Variants in DOT1L observed in about 807,000 individuals in gnomAD.
DOT1L encodes the protein DOT1 like histone lysine methyltransferase, also known as histone-lysine N-methyltransferase, H3 lysine-79 specific.
Under a neutral mutation model 153.3 loss-of-function variants are expected in DOT1L, and 33 were observed. That is an observed-to-expected ratio of 0.22 (90% CI 0.16 to 0.29). The LOEUF is 0.29. Ranked by LOEUF, DOT1L falls within the 10% of genes least tolerant of loss-of-function variation. The pLI, the probability that DOT1L is intolerant of heterozygous loss-of-function variation, is 1.00. For missense variants in DOT1L, 1,847 were observed against 2,119.9 expected (o/e 0.87, Z 2.53); for synonymous variants, 1,135 against 965.1 (o/e 1.18, Z -3.26).
chr19:2,211,698 C>A, intron 15 of DOT1L, 53 bp from the exon 16 acceptor site: 1 of 1,475,732 alleles, frequency 6.8e-7, no homozygotes, highest in Non-Finnish European at 9.2e-7. Flanking sequence ...CCCACCTCTT[C>A]CCTCTCAGTC....
At chr19:2,228,400 C>T (rs2024458055) in intron 27 of DOT1L, 4 of 1,259,130 alleles carry the variant, frequency 3.2e-6, no homozygotes, top group Non-Finnish European at 4.1e-6. Context: ...CAGAGCCCTG[C>T]GCGGTGGCTC....
chr19:2,213,271 G>C (rs1032611785), intron 16 of DOT1L: 1 of 397,340 alleles, frequency 2.5e-6, no homozygotes, highest in Non-Finnish European at 4.6e-6. Context: ...TGCGTGGCTG[G>C]GGGCGCTGCC....
intron 1 of DOT1L, among the ~76,000 whole-genome samples, chr19:2,174,958 ATGTGTGTGTGTGTGTGTGTGTG>A (rs71337121): frequency 7.7e-6 from 1 of 129,992 alleles, no homozygotes; most frequent in South Asian, 2.5e-4. Context: ...TTTTAAATAT[ATGTGTGTGTGTGTGTGTGTGTG>A]TGTGTGTGTG....
chr19:2,222,587 G>A lies in DOT1L; in HGVS notation c.3390+28G>A. On this transcript the variant is annotated intron_variant, in intron 24 of 27. Coordinates refer to ENST00000398665, the MANE Select transcript of DOT1L (RefSeq NM_032482.3). The surrounding 1 kb of genome is among the most constrained non-coding windows in gnomAD (Gnocchi z 6.5). ...AAGGATGGGGACCGGCAGGGCTGGG[G>A]AGCGCGGCCTGTGAAAGAAAGACCA... 1 of 1,507,422 alleles carries A rather than the reference G, an allele frequency of 6.6e-7. No individual in the cohort carries two copies. The highest frequency in any genetic ancestry group is 2.1e-5 in the Admixed American group (1 of 46,672). The allele number at this position is 1,507,422 out of a possible 1,614,324, so 93.4% of individuals were successfully genotyped here.
At position 2,180,695 on chromosome 19, in the gene DOT1L, C is replaced by G; in HGVS notation, c.82-18C>G. 1 of 1,613,992 alleles carries G rather than the reference C, an allele frequency of 6.2e-7. No homozygotes were observed. Among genetic ancestry groups the G allele is most frequent in the East Asian group, 2.2e-5 (1 of 44,882 alleles). ...GTGGAGGATGGCTCTGCGTCTCAAA[C>G]TTCTCTCTCTGTTTCAGGATAAACA... is the stretch of plus-strand genomic sequence containing the variant. On this transcript the variant is annotated intron_variant, in intron 1 of 27. Transcript: ENST00000398665.
At chr19:2,192,507 T>A (rs2022838497) in intron 5 of DOT1L, among the ~76,000 whole-genome samples, 3 of 151,906 alleles carry the variant, frequency 2.0e-5, no homozygotes, top group African/African-American at 2.4e-5. Flanking sequence ...ACTTTCCCTC[T>A]ACTAAAAGTA....
In DOT1L at chr19:2,164,126, C is replaced by A; in HGVS notation, c.-59C>A. On this transcript the variant is annotated 5_prime_UTR_variant, in exon 1 of 28. Transcript: ENST00000398665. ...CCGCCCGCCCTCCTCCGCCCACCGG[C>A]GGCCCCGCCCCTCCCCCAACCGCCC... 1 of 803,088 alleles carries A rather than the reference C, an allele frequency of 1.2e-6. No individual in the cohort carries two copies. The highest frequency in any genetic ancestry group is 1.6e-6 in the Non-Finnish European group (1 of 639,848). 49.7% of individuals were successfully genotyped at this position (803,088 alleles called of 1,614,324 possible). A position where few individuals can be genotyped will look rare whatever the true frequency, so the allele number is the denominator to read the frequency against.
At chr19:2,167,693 C>G (rs1196010049) in intron 1 of DOT1L, among the ~76,000 whole-genome samples, 1 of 151,620 alleles carries the variant, frequency 6.6e-6, no homozygotes, top group African/African-American at 2.4e-5. Flanking sequence ...ATTTTGCTTT[C>G]TCACAAGAAG....
At position 2,226,066 on chromosome 19, in the gene DOT1L, T is replaced by C. The variant is rs147106275; in HGVS notation, c.3662-117T>C. 389 of 1,176,388 alleles carry C rather than the reference T, an allele frequency of 3.3e-4. 1 individual carries two copies. The African/African-American group carries it at 5.6e-3, about 17-fold the overall frequency. 72.9% of individuals were successfully genotyped at this position (1,176,388 alleles called of 1,614,324 possible). ...CCTGTCCCGCTTGGCATCTTGAGTG[T>C]CTGTGACCAGCCCTGCCTGCAGAGT... On this transcript the variant is annotated intron_variant, in intron 26 of 27. Coordinates refer to ENST00000398665, the MANE Select transcript of DOT1L (RefSeq NM_032482.3).
At position 2,230,646 on chromosome 19, in the gene DOT1L, G is replaced by T. The variant is rs2024560895; in HGVS notation, c.*854G>T. ...GAGAGAGTCACACTAATGAGTGGCA[G>T]TATTTTATAGAGATGTGATGAGAAT... On this transcript the variant is annotated 3_prime_UTR_variant, in exon 28 of 28. Transcript: ENST00000398665. 2.5e-6 allele frequency: 1 copy of T among 398,468 alleles called. No homozygotes were observed. Among genetic ancestry groups the T allele is most frequent in the South Asian group, 1.3e-4 (1 of 7,820 alleles). 24.7% of individuals were successfully genotyped at this position (398,468 alleles called of 1,614,324 possible).
chr19:2,212,252 T>G (rs1345937420), intron 16 of DOT1L: 1 of 155,268 alleles, frequency 6.4e-6, no homozygotes, highest in Non-Finnish European at 1.4e-5. Flanking sequence ...AAACTCCGCC[T>G]CCCGGGTTCA....
At chr19:2,221,903 G>T (rs906114189) in intron 23 of DOT1L, 73 bp from the exon 24 acceptor site, 8 of 1,418,770 alleles carry the variant, frequency 5.6e-6, no homozygotes, top group African/African-American at 1.4e-5. Flanking sequence ...CTCCTAGGGG[G>T]TGGTGCTCCC....
In DOT1L at chr19:2,208,179, A is replaced by G. The variant is rs186300285; in HGVS notation, c.963+499A>G. On this transcript the variant is annotated intron_variant, in intron 11 of 27. Transcript: ENST00000398665. This position sits in a 1 kb window ranked among gnomAD's most constrained non-coding sequence, Gnocchi z 4.4. ...CCAGTGTGCGGCCTGCCTGCCTCCC[A>G]CGGTGCTTCCCCCCCGGGCACGAGT... is the stretch of plus-strand genomic sequence containing the variant. 3.3e-5 allele frequency among the ~76,000 whole-genome samples: 5 copies of G among 151,772 alleles called. No homozygotes were observed. The highest frequency in any genetic ancestry group is 9.7e-5 in the African/African-American group (4 of 41,382).
At chr19:2,185,782 A>G (rs1170964848) in intron 2 of DOT1L, 73 bp from the exon 3 acceptor site, 2 of 1,555,070 alleles carry the variant, frequency 1.3e-6, no homozygotes, top group Non-Finnish European at 1.8e-6. Context: ...ACAAAAACAA[A>G]AACAAAAACA....
chr19:2,216,547 G>C lies in DOT1L; in HGVS notation c.2190G>C (p.Ser730=), dbSNP rs754574538. Residue 730 remains serine (S), a synonymous_variant, in exon 20 of 28, where the codon TCG becomes TCC. Transcript: ENST00000398665. ...YELCGVLSRP[S]SKQNTPQYLA... ...TCTGCGGTGTGCTGAGCCGGCCTTC[G>C]TCGAAGCAGAACACGCCCCAGTACC... is the stretch of plus-strand genomic sequence containing the variant. 2 of 1,610,600 alleles carry C rather than the reference G, an allele frequency of 1.2e-6. No homozygotes were observed. Among genetic ancestry groups the C allele is most frequent in the African/African-American group, 2.7e-5 (2 of 74,932 alleles).
chr19:2,206,897 G>A (rs1021054743), intron 10 of DOT1L, 100 bp downstream of exon 10: 73 of 1,247,386 alleles, frequency 5.9e-5, no homozygotes, highest in Non-Finnish European at 7.7e-5. Context: ...TGGACACTGG[G>A]GCTGGATCCT....
At chr19:2,187,235 T>A (rs185690040) in intron 3 of DOT1L, among the ~76,000 whole-genome samples, 174 of 152,346 alleles carry the variant, frequency 1.1e-3, no homozygotes, top group African/African-American at 3.8e-3. Flanking sequence ...GATGAGTGGG[T>A]GTTGTCGGGC....
At chr19:2,206,521 C>CTA (rs2023501635) in intron 9 of DOT1L, among the ~76,000 whole-genome samples, 1 of 80,716 alleles carries the variant, frequency 1.2e-5, no homozygotes. Context: ...GACTCTGTCT[C>CTA]AAAAAAAAAA....
intron 13 of DOT1L, 34 bp downstream of exon 13, chr19:2,210,544 G>A (rs2144830039): frequency 1.3e-6 from 2 of 1,587,872 alleles, no homozygotes; most frequent in East Asian, 2.2e-5. Flanking sequence ...CTGCTGGAGG[G>A]CACCCGCCCC....
Sources: gnomAD v4.1 joint callset for allele counts (sites outside exome capture counted in the v4.1 genomes callset) on GRCh38, gnomAD v4.1.1 for gene constraint, Gnocchi (gnomAD v3.1) non-coding constraint, MANE v1.5 for transcripts, NCBI Gene and HGNC (gene_info 2026-07-23, HGNC 2026-07-21) for gene names.